Variants in CYP3A5 observed in about 807,000 individuals in gnomAD.
CYP3A5 encodes cytochrome P450 family 3 subfamily A member 5.
A neutral mutation model predicts 55.9 loss-of-function variants in CYP3A5; 51 were observed. The ratio of observed to expected loss-of-function variants is 0.91; its 90% CI spans 0.73 to 1.15. The LOEUF is 1.15. Ranked by LOEUF, CYP3A5 falls within the 50% of genes most tolerant of loss-of-function variation. CYP3A5 has a pLI of 0.00. For synonymous variants in CYP3A5, 196 were observed against 213.9 expected (o/e 0.92, Z 0.73); for missense variants, 533 against 596.6 (o/e 0.89, Z 1.11).
In CYP3A5 at chr7:99,672,664, T is replaced by G; in HGVS notation, c.234A>C (p.Gln78His). Residue 78 changes from glutamine (Q) to histidine (H), a missense_variant, in exon 4 of 13, where the codon CAA becomes CAC. Physicochemically the swap from Gln to His is conservative, Grantham distance 24 (BLOSUM62 0). Coordinates refer to ENST00000222982, the MANE Select transcript of CYP3A5 (RefSeq NM_000777.5). Reference protein sequence around the residue: ...YGKMWGTYEGQLPVLAITDPD... With the variant: ...YGKMWGTYEGHLPVLAITDPD... ...GATCTGTGATGGCCAGCACAGGGAG[T>G]TGACCTTCATACGTTCTGTGTGGGG... 1.9e-6 allele frequency: 3 copies of G among 1,614,002 alleles called. No individual in the cohort carries two copies. Among genetic ancestry groups the G allele is most frequent in the Non-Finnish European group, 1.7e-6 (2 of 1,179,970 alleles).
chr7:99,648,987 T>C lies in CYP3A5; in HGVS notation c.1414-587A>G, dbSNP rs146123606. On this transcript the variant is annotated intron_variant, in intron 12 of 12. Coordinates refer to ENST00000222982, the MANE Select transcript of CYP3A5 (RefSeq NM_000777.5). The stretch of plus-strand genomic sequence containing the variant: ...TGCAAACGGGGAATTTCTCAAGTTG[T>C]ACAGTGTTTTGACTCATACTTCTAG... 1.4e-3 allele frequency among the ~76,000 whole-genome samples: 216 copies of C among 152,330 alleles called. 1 individual carries two copies. Among genetic ancestry groups the C allele is most frequent in the African/African-American group, 4.4e-3 (181 of 41,584 alleles).
At position 99,652,562 on chromosome 7, in the gene CYP3A5, C is replaced by T. The variant is rs781386975; in HGVS notation, c.1244G>A (p.Arg415His). ...CCCTGGAGACTTGTACCTTTCAGGG[C>T]GGAACTCCTCAGGCTCTGTCCAGTA... is the stretch of plus-strand genomic sequence containing the variant. Reference protein sequence around the residue: ...PKYWTEPEEFRPERFSKKKDS... With the variant: ...PKYWTEPEEFHPERFSKKKDS... The change falls in exon 11 of 13, where the codon CGC (arginine) becomes CAC (histidine). Residue 415 changes from arginine to histidine, a missense_variant. By Grantham distance (29) the Arg-to-His change is conservative. Coordinates refer to ENST00000222982, the MANE Select transcript of CYP3A5 (RefSeq NM_000777.5). 1.4e-5 allele frequency: 23 copies of T among 1,606,252 alleles called. No homozygotes were observed. Among genetic ancestry groups the T allele is most frequent in the Admixed American group, 6.7e-5 (4 of 59,718 alleles).
chr7:99,667,230 C>G (rs1375397054), intron 4 of CYP3A5, among the ~76,000 whole-genome samples, 165 bp from the exon 5 acceptor site: 1 of 141,680 alleles, frequency 7.1e-6, no homozygotes, highest in African/African-American at 2.6e-5. Flanking sequence ...AGATGCCTAG[C>G]CTCTTCTGAG....
intron 2 of CYP3A5, among the ~76,000 whole-genome samples, chr7:99,675,113 G>GAA (rs1812089536): frequency 6.6e-6 from 1 of 152,228 alleles, no homozygotes; most frequent in Non-Finnish European, 1.5e-5. Flanking sequence ...GCATGTTGTT[G>GAA]AGTGAGAAAG....
At chr7:99,667,359 G>A (rs1811138239) in intron 4 of CYP3A5, among the ~76,000 whole-genome samples, 1 of 152,206 alleles carries the variant, frequency 6.6e-6, no homozygotes, top group Admixed American at 6.5e-5. Flanking sequence ...TGTTCTTCCA[G>A]TGGAATAGAC....
chr7:99,651,667 T>C (rs1254821477), intron 11 of CYP3A5, among the ~76,000 whole-genome samples: 1 of 152,230 alleles, frequency 6.6e-6, no homozygotes, highest in East Asian at 1.9e-4. Flanking sequence ...ATCCCAAGCA[T>C]CCTGAATCAC....
At position 99,656,791 on chromosome 7, in the gene CYP3A5, C is replaced by T. The variant is rs1322268142; in HGVS notation, c.1026+3708G>A. 4.6e-5 allele frequency among the ~76,000 whole-genome samples: 7 copies of T among 152,150 alleles called. No homozygotes were observed. In the East Asian group the frequency reaches 9.6e-4, roughly 21 times the overall value. ...ATTGGTCTATTCAGAGTTTCAACTTCTTCCTGGTTTAGTCTTGGGAGAGTG... is the reference window on the plus strand; with the variant it reads ...ATTGGTCTATTCAGAGTTTCAACTTTTTCCTGGTTTAGTCTTGGGAGAGTG... On this transcript the variant is annotated intron_variant, in intron 10 of 12. Coordinates refer to ENST00000222982, the MANE Select transcript of CYP3A5 (RefSeq NM_000777.5).
intron 4 of CYP3A5, among the ~76,000 whole-genome samples, chr7:99,669,756 G>T (rs1811393157): frequency 6.6e-6 from 1 of 152,134 alleles, no homozygotes; most frequent in African/African-American, 2.4e-5. Context: ...GCTATTAAAA[G>T]ACACAACTAA....
At position 99,650,214 on chromosome 7, in the gene CYP3A5, G is replaced by T; in HGVS notation, c.1272C>A (p.Asp424Glu). 4 of 1,613,560 alleles carry T rather than the reference G, an allele frequency of 2.5e-6. No homozygotes were observed. The highest frequency in any genetic ancestry group is 3.4e-6 in the Non-Finnish European group (4 of 1,179,752). Residue 424 changes from aspartate to glutamate, a missense_variant, in exon 12 of 13, where the codon GAC (aspartate) becomes GAA (glutamate). Physicochemically the swap from Asp to Glu is conservative, Grantham distance 45. Coordinates refer to ENST00000222982, the MANE Select transcript of CYP3A5 (RefSeq NM_000777.5). ...GTGTGTATATGTAAGGATCTATGCT[G>T]TCCTTCTTCTTACTGAACCTAGTTC... ...FRPERFSKKK[D>E]SIDPYIYTPF...
chr7:99,662,008 T>A lies in CYP3A5; in HGVS notation c.865+808A>T, dbSNP rs1295088859. Among the ~76,000 whole-genome samples the A allele has an allele frequency of 6.6e-6, 1 of 152,266 alleles. No homozygotes were observed. Among genetic ancestry groups the A allele is most frequent in the Non-Finnish European group, 1.5e-5 (1 of 68,046 alleles). On this transcript the variant is annotated intron_variant, in intron 9 of 12. Coordinates refer to ENST00000222982, the MANE Select transcript of CYP3A5 (RefSeq NM_000777.5). The surrounding 1 kb of genome is among the most constrained non-coding windows in gnomAD (Gnocchi z 4.3). ...ATGAAACAGTGAAATGATAGACTAT[T>A]TTCTTTATCACAGCAAGTTTTGTTG...
In CYP3A5 at chr7:99,662,356, C is replaced by G. The variant is rs773508398; in HGVS notation, c.865+460G>C. The stretch of plus-strand genomic sequence containing the variant: ...ATTTACATGGTATCAGAGGTGTCCC[C>G]CATTAGTTACTTATGCATTTCAAAG... On this transcript the variant is annotated intron_variant, in intron 9 of 12. Transcript: ENST00000222982. The surrounding 1 kb of genome is among the most constrained non-coding windows in gnomAD (Gnocchi z 4.3). 5.3e-5 allele frequency among the ~76,000 whole-genome samples: 8 copies of G among 152,118 alleles called. No individual in the cohort carries two copies. Among genetic ancestry groups the G allele is most frequent in the Non-Finnish European group, 1.0e-4 (7 of 68,020 alleles).
At chr7:99,650,253 T>A (rs774060460) in intron 11 of CYP3A5, 21 bp from the exon 12 acceptor site, 8 of 1,607,130 alleles carry the variant, frequency 5.0e-6, no homozygotes, top group Non-Finnish European at 6.8e-6. Flanking sequence ...ATTGGTAGAT[T>A]AAATAGTTAA....
rs560280526 is a variant in CYP3A5 at position 99,660,549 on chromosome 7, C to T, written c.976G>A (p.Asp326Asn). The T allele has an allele frequency of 6.2e-7, 1 of 1,613,782 alleles. No homozygotes were observed. Among genetic ancestry groups the T allele is most frequent in the Non-Finnish European group, 8.5e-7 (1 of 1,179,882 alleles). Residue 326 changes from aspartate to asparagine, a missense_variant, in exon 10 of 13, where the codon GAT (aspartate) becomes AAT (asparagine). By Grantham distance (23) the Asp-to-Asn change is conservative. Transcript: ENST00000222982. ...FTLYELATHP[D>N]VQQKLQKEID... ...TCCTTTTGCAGTTTCTGCTGGACAT[C>T]AGGGTGAGTGGCCAGTTCATATAAA... is the stretch of plus-strand genomic sequence containing the variant.
At chr7:99,650,839 A>G (rs940316574) in intron 11 of CYP3A5, among the ~76,000 whole-genome samples, 2 of 152,014 alleles carry the variant, frequency 1.3e-5, no homozygotes, top group African/African-American at 2.4e-5. Flanking sequence ...TTTAAGTCAC[A>G]TAAGTTACAT....
intron 10 of CYP3A5, among the ~76,000 whole-genome samples, chr7:99,654,945 T>A (rs1809561544): frequency 6.6e-6 from 1 of 152,186 alleles, no homozygotes; most frequent in Admixed American, 6.5e-5. Context: ...TTCTTGTAAA[T>A]TTGTTTGAGA....
Position 99,648,233 on chromosome 7 carries a change from G to A in CYP3A5, c.*72C>T. On this transcript the variant is annotated 3_prime_UTR_variant, in exon 13 of 13. Transcript: ENST00000222982. ...CCCATCTTTATTTCAAGGTTTTATT[G>A]ACTAAGTTGAAATCTCTGGTGTTCT... is the stretch of plus-strand genomic sequence containing the variant. 2 of 1,559,688 alleles carry A rather than the reference G, an allele frequency of 1.3e-6. No individual in the cohort carries two copies. Among genetic ancestry groups the A allele is most frequent in the Non-Finnish European group, 1.7e-6 (2 of 1,152,266 alleles).
In CYP3A5 at chr7:99,662,355, C is replaced by T. The variant is rs1810538486; in HGVS notation, c.865+461G>A. ...GATTTACATGGTATCAGAGGTGTCCCCCATTAGTTACTTATGCATTTCAAA... is the reference window on the plus strand; with the variant it reads ...GATTTACATGGTATCAGAGGTGTCCTCCATTAGTTACTTATGCATTTCAAA... On this transcript the variant is annotated intron_variant, in intron 9 of 12. Coordinates refer to ENST00000222982, the MANE Select transcript of CYP3A5 (RefSeq NM_000777.5). This position sits in a 1 kb window ranked among gnomAD's most constrained non-coding sequence, Gnocchi z 4.3. 6.6e-6 allele frequency among the ~76,000 whole-genome samples: 1 copy of T among 152,146 alleles called. No individual in the cohort carries two copies. The highest frequency in any genetic ancestry group is 1.9e-4 in the East Asian group (1 of 5,200).
Position 99,664,047 on chromosome 7 carries a change from A to G in CYP3A5, c.719T>C (p.Leu240Pro), listed in dbSNP as rs1420485838. 2 of 1,599,810 alleles carry G rather than the reference A, an allele frequency of 1.3e-6. No homozygotes were observed. The highest frequency in any genetic ancestry group is 1.4e-5 in the African/African-American group (1 of 74,052). Reference protein sequence around the residue: ...TPVFEALNVSLFPKDTINFLS... With the variant: ...TPVFEALNVSPFPKDTINFLS... ...AAAATTTATGGTATCTTTTGGAAAC[A>G]GAGAGACATTTAATGCTTCAAAAAC... Residue 240 changes from leucine (L) to proline (P), a missense_variant, in exon 8 of 13, where the codon CTG (leucine) becomes CCG (proline). Coordinates refer to ENST00000222982, the MANE Select transcript of CYP3A5 (RefSeq NM_000777.5).
intron 10 of CYP3A5, among the ~76,000 whole-genome samples, chr7:99,654,610 C>T (rs1387145091): frequency 2.0e-5 from 3 of 152,202 alleles, no homozygotes; most frequent in African/African-American, 7.2e-5. Flanking sequence ...AATGGGATGG[C>T]TGGGTCAAAT....
Sources: allele counts gnomAD v4.1 joint callset (sites outside exome capture counted in the v4.1 genomes callset), GRCh38; gene constraint gnomAD v4.1.1; non-coding constraint Gnocchi (gnomAD v3.1); transcripts MANE v1.5; gene names NCBI Gene and HGNC (gene_info 2026-07-23, HGNC 2026-07-21).